The following SETD4 variants were observed in gnomAD, a reference collection of about 807,000 sequenced individuals.
SETD4 encodes SET domain-containing protein 4.
A neutral mutation model predicts 58.3 loss-of-function variants in SETD4; 46 were observed. The ratio of observed to expected loss-of-function variants is 0.79; its 90% confidence interval spans 0.62 to 1.01. The LOEUF (loss-of-function observed/expected upper bound fraction) is 1.01, where lower values mean the gene tolerates loss of function less well. SETD4 is among the 50% of genes least tolerant of loss of function. SETD4 has a pLI of 0.00. For synonymous variants in SETD4, 190 were observed against 202.6 expected (o/e 0.94, Z 0.53); for missense variants, 490 against 523.3 (o/e 0.94, Z 0.62).
intron 7 of SETD4, 64 bp downstream of exon 7, chr21:36,043,717 TA>T: frequency 6.3e-7 from 1 of 1,589,064 alleles, no homozygotes; most frequent in South Asian, 1.2e-5. Context: ...AAACTGAAAA[TA>T]CACATCTCCA....
At chr21:36,050,487 G>A in intron 4 of SETD4, 14 of 1,613,408 alleles carry the variant, frequency 8.7e-6, no homozygotes, top group Non-Finnish European at 1.1e-5. Context: ...TGACATCACT[G>A]TTTTGCGCCA....
intron 1 of SETD4, 192 bp downstream of exon 1, chr21:36,060,155 C>T (rs1175706957): frequency 5.1e-6 from 5 of 983,694 alleles, no homozygotes; most frequent in Non-Finnish European, 6.0e-6. Context: ...GAGCAACATG[C>T]GCTAAGTGTA....
chr21:36,050,666 A>T (rs1200250348), intron 4 of SETD4: 2 of 1,601,628 alleles, frequency 1.2e-6, no homozygotes, highest in Non-Finnish European at 1.7e-6. Flanking sequence ...AAGCTCAAGT[A>T]CCGGAGTTCC....
At chr21:36,056,562 T>C (rs1377269926) in intron 3 of SETD4, among the ~76,000 whole-genome samples, 1 of 152,136 alleles carries the variant, frequency 6.6e-6, no homozygotes, top group African/African-American at 2.4e-5. Context: ...GGTTTTTGTT[T>C]TTTGTTAGTT....
chr21:36,036,549 A>T, intron 10 of SETD4: 1 of 726,546 alleles, frequency 1.4e-6, no homozygotes, highest in Non-Finnish European at 1.7e-6. Flanking sequence ...AGTGGATCAT[A>T]CAGCATTTGT....
At chr21:36,052,610 T>C (rs1350630063) in intron 4 of SETD4, among the ~76,000 whole-genome samples, 1 of 149,858 alleles carries the variant, frequency 6.7e-6, no homozygotes, top group African/African-American at 2.5e-5. Context: ...AAAGATACCA[T>C]TCCTTAGCCT....
At position 36,035,585 on chromosome 21, in the gene SETD4, T is replaced by TCTG. The variant is rs2063753476; in HGVS notation, c.*407_*408insCAG. On this transcript the variant is annotated 3_prime_UTR_variant, in exon 12 of 12. Coordinates refer to ENST00000332131, the MANE Select transcript of SETD4 (RefSeq NM_017438.5). ...GGAAGGGCTGGCGTCTGGGCCACCCTGGCGGGGATCCAGGACTACCTCACA... is the reference window on the plus strand; with the variant it reads ...GGAAGGGCTGGCGTCTGGGCCACCCTCTGGGCGGGGATCCAGGACTACCTCACA... 6.1e-6 allele frequency: 1 copy of TCTG among 163,764 alleles called. No individual in the cohort carries two copies. The highest frequency in any genetic ancestry group is 1.3e-5 in the Non-Finnish European group (1 of 74,488). 10.1% of individuals were successfully genotyped at this position (163,764 alleles called of 1,614,324 possible).
At chr21:36,043,421 A>C (rs1431287675) in intron 7 of SETD4, 16 of 1,017,336 alleles carry the variant, frequency 1.6e-5, no homozygotes, top group Non-Finnish European at 1.7e-5. Flanking sequence ...TGCTTAATAA[A>C]TATTTTTTAT....
intron 7 of SETD4, chr21:36,042,210 G>A (rs755960311): frequency 8.7e-5 from 15 of 172,900 alleles, no homozygotes; most frequent in Non-Finnish European, 1.7e-4. Flanking sequence ...GTCAACAAAA[G>A]TAGAGGCCCT....
intron 4 of SETD4, 58 bp downstream of exon 4, chr21:36,053,525 G>A (rs375436636): frequency 4.0e-5 from 64 of 1,583,782 alleles, no homozygotes; most frequent in African/African-American, 2.3e-4. Flanking sequence ...CGTTTGAACC[G>A]CAAAAACAAA....
rs1304043001 is a variant in SETD4 at position 36,041,804 on chromosome 21, T to TA, written c.983+2dup. 4 of 1,469,338 alleles carry TA rather than the reference T, an allele frequency of 2.7e-6. No homozygotes were observed. The Admixed American group carries it at 8.6e-5, about 31-fold the overall frequency. The allele number at this position is 1,469,338 out of a possible 1,614,324, so 91.0% of individuals were successfully genotyped here. A position where few individuals can be genotyped will look rare whatever the true frequency, so the allele number is the denominator to read the frequency against. On this transcript the variant is annotated splice_region_variant and intron_variant, in intron 8 of 11. Transcript: ENST00000332131. ...ATTTTAAGAGGGAAAGAGAAACACT[T>TA]ACTCTATATAGCCATGATCCTTTAA...
intron 9 of SETD4, among the ~76,000 whole-genome samples, chr21:36,038,797 T>G (rs946369293): frequency 3.9e-5 from 6 of 152,022 alleles, no homozygotes; most frequent in Admixed American, 3.9e-4. Flanking sequence ...AGTGCTCTAC[T>G]ACAAAGGTTC....
intron 4 of SETD4, chr21:36,052,977 G>C (rs1465378049): frequency 6.6e-6 from 1 of 152,466 alleles, no homozygotes; most frequent in Non-Finnish European, 1.5e-5. Flanking sequence ...AACGTGATCT[G>C]ACATGTAACA....
intron 4 of SETD4, chr21:36,050,322 G>A: frequency 1.9e-6 from 3 of 1,612,664 alleles, no homozygotes; most frequent in Non-Finnish European, 2.5e-6. Context: ...CAAATGTTGT[G>A]AGGAGGAACT....
chr21:36,039,741 A>T (rs570789808), intron 9 of SETD4, among the ~76,000 whole-genome samples: 2 of 152,388 alleles, frequency 1.3e-5, no homozygotes, highest in East Asian at 3.9e-4. Context: ...TTTGCTAAGA[A>T]TAAAAACAAA....
At chr21:36,036,408 T>G (rs1270363205) in intron 10 of SETD4, 157 bp from the exon 11 acceptor site, 1 of 387,252 alleles carries the variant, frequency 2.6e-6, no homozygotes, top group Non-Finnish European at 3.5e-6. Context: ...GCTCCAGAAC[T>G]TTTTCTATCA....
rs187902210 is a variant in SETD4, at chr21:36,055,595, T to C, written c.169+1514A>G. 3.5e-4 allele frequency among the ~76,000 whole-genome samples: 54 copies of C among 152,322 alleles called. No homozygotes were observed. In the East Asian group the frequency reaches 0.01, roughly 28 times the overall value. ...ATGAATTCCCCAGAGTTCATACATT[T>C]TGACTGAAGCCCAGAAATGTTACCT... On this transcript the variant is annotated intron_variant, in intron 3 of 11. Transcript: ENST00000332131.
intron 1 of SETD4, chr21:36,059,862 G>T: frequency 3.0e-6 from 3 of 985,426 alleles, no homozygotes; most frequent in Non-Finnish European, 3.6e-6. Flanking sequence ...GGCGAACGGC[G>T]GCTGGTTCGG....
chr21:36,050,376 G>C, intron 4 of SETD4: 1 of 1,614,120 alleles, frequency 6.2e-7, no homozygotes, highest in Non-Finnish European at 8.5e-7. Context: ...GCTGACAATG[G>C]AGAAAGGAAA....
Sources: gnomAD v4.1 joint callset for allele counts (sites outside exome capture counted in the v4.1 genomes callset) on GRCh38, gnomAD v4.1.1 for gene constraint, MANE v1.5 for transcripts, NCBI Gene and HGNC (gene_info 2026-07-23, HGNC 2026-07-21) for gene names.